The following ROS1 variants were observed in gnomAD, a reference collection of about 807,000 sequenced individuals.
ROS1 encodes ROS proto-oncogene 1, receptor tyrosine kinase.
Under a neutral mutation model 273.5 loss-of-function variants are expected in ROS1, and 263 were observed. The ratio of observed to expected loss-of-function variants is 0.96; its 90% CI spans 0.87 to 1.06. The LOEUF (loss-of-function observed/expected upper bound fraction) is 1.06, where lower values mean the gene tolerates loss of function less well. ROS1 is among the 50% of genes least tolerant of loss of function. The pLI is 0.00. For missense variants in ROS1, 2,833 were observed against 2,751.1 expected (o/e 1.03, Z -0.67); for synonymous variants, 1,008 against 954.1 (o/e 1.06, Z -1.04).
In ROS1 at chr6:117,397,136, CAT is replaced by C; in HGVS notation, c.605-22_605-21del. The C allele has an allele frequency of 6.7e-7, 1 of 1,486,502 alleles. No individual in the cohort carries two copies. The highest frequency in any genetic ancestry group is 9.3e-7 in the Non-Finnish European group (1 of 1,073,488). 92.1% of individuals were successfully genotyped at this position (1,486,502 alleles called of 1,614,324 possible). ...CAGGAACTGGAAGAGATAATGGTGACATAATGAGCAGAAAAATGTGCAAGCAT... is the reference window on the plus strand; with the variant it reads ...CAGGAACTGGAAGAGATAATGGTGACAATGAGCAGAAAAATGTGCAAGCAT... On this transcript the variant is annotated intron_variant, in intron 7 of 43. Coordinates refer to ENST00000368507, the MANE Select transcript of ROS1 (RefSeq NM_001378902.1).
At chr6:117,348,915 C>T (rs1778590716) in intron 27 of ROS1, among the ~76,000 whole-genome samples, 1 of 151,842 alleles carries the variant, frequency 6.6e-6, no homozygotes, top group East Asian at 1.9e-4. Flanking sequence ...TTATTGAGTT[C>T]TAGTTAAATG....
intron 39 of ROS1, among the ~76,000 whole-genome samples, chr6:117,315,328 G>C (rs1286841538): frequency 6.6e-6 from 1 of 151,808 alleles, no homozygotes; most frequent in African/African-American, 2.4e-5. Flanking sequence ...GAGGGAATAA[G>C]GAATTCTATT....
At chr6:117,306,733 A>G (rs986736743) in intron 42 of ROS1, among the ~76,000 whole-genome samples, 8 of 152,184 alleles carry the variant, frequency 5.3e-5, no homozygotes, top group Non-Finnish European at 1.5e-5. Flanking sequence ...CTTCAAATAA[A>G]TATCAGTTCC....
intron 39 of ROS1, among the ~76,000 whole-genome samples, chr6:117,312,359 TA>T (rs1319651178): frequency 1.3e-5 from 2 of 152,128 alleles, no homozygotes; most frequent in African/African-American, 2.4e-5. Context: ...GCTCCCAAAC[TA>T]GGAATAATCC....
chr6:117,387,769 C>T lies in ROS1; in HGVS notation c.1999+11G>A, dbSNP rs1317380724. Reference sequence around the variant, plus strand: ...TGAGAGTCACTCCCTAAATCCAGAACATTTTCTCACCTGGCACCAGGGTAG... The same window carrying T: ...TGAGAGTCACTCCCTAAATCCAGAATATTTTCTCACCTGGCACCAGGGTAG... On this transcript the variant is annotated intron_variant, in intron 14 of 43. Coordinates refer to ENST00000368507, the MANE Select transcript of ROS1 (RefSeq NM_001378902.1). 8 of 1,608,240 alleles carry T rather than the reference C, an allele frequency of 5.0e-6. No homozygotes were observed. Among genetic ancestry groups the T allele is most frequent in the African/African-American group, 1.3e-5 (1 of 74,616 alleles).
At position 117,310,908 on chromosome 6, in the gene ROS1, T is replaced by C. The variant is rs1443041064; in HGVS notation, c.6215+112A>G. 2.0e-5 allele frequency: 12 copies of C among 601,118 alleles called. No homozygotes were observed. The Admixed American group carries it at 3.7e-4, about 18-fold the overall frequency. The allele number at this position is 601,118 out of a possible 1,614,324, so 37.2% of individuals were successfully genotyped here. A position where few individuals can be genotyped will look rare whatever the true frequency, so the allele number is the denominator to read the frequency against. The stretch of plus-strand genomic sequence containing the variant: ...TAAGAGAGACTTTTAATAGAAATTA[T>C]TGCTAGTTTGAAGGAATTAAAATGT... On this transcript the variant is annotated intron_variant, in intron 40 of 43. Transcript: ENST00000368507.
intron 42 of ROS1, among the ~76,000 whole-genome samples, chr6:117,304,653 A>G (rs1582562325): frequency 6.6e-6 from 1 of 152,206 alleles, no homozygotes; most frequent in Non-Finnish European, 1.5e-5. Context: ...CAGCATATCT[A>G]TGCTGTATAT....
chr6:117,321,834 T>TG (rs1200837102), intron 35 of ROS1, among the ~76,000 whole-genome samples: 1 of 149,738 alleles, frequency 6.7e-6, no homozygotes, highest in Non-Finnish European at 1.5e-5. Context: ...TGGCAATTTT[T>TG]TTTTTTTTTT....
At chr6:117,301,405 G>A (rs975387986) in intron 42 of ROS1, 16 of 284,312 alleles carry the variant, frequency 5.6e-5, no homozygotes, top group Admixed American at 1.1e-4. Context: ...GTAGATGGTG[G>A]GAAAATATCT....
intron 24 of ROS1, among the ~76,000 whole-genome samples, chr6:117,358,916 AACAG>A (rs1236990158): frequency 6.6e-6 from 1 of 152,168 alleles, no homozygotes; most frequent in African/African-American, 2.4e-5. Flanking sequence ...TCACACTGCT[AACAG>A]ACAGGCCTTT....
At chr6:117,323,474 G>T (rs535052763) in intron 35 of ROS1, among the ~76,000 whole-genome samples, 1 of 152,060 alleles carries the variant, frequency 6.6e-6, no homozygotes, top group Non-Finnish European at 1.5e-5. Context: ...TTTCTGGTAA[G>T]AATCATGCCC....
chr6:117,394,010 G>C, intron 11 of ROS1, 152 bp downstream of exon 11: 2 of 482,636 alleles, frequency 4.1e-6, no homozygotes, highest in Non-Finnish European at 7.1e-6. Context: ...CTATAGGCCA[G>C]ATCTATGATT....
In ROS1 at chr6:117,309,039, T is replaced by A. The variant is rs1481998705; in HGVS notation, c.6417-111A>T. ...GCTAGCAGGGTCTACTTTGTCAGTG[T>A]ATTATTGGCCTCATAAAAGGCAAAC... On this transcript the variant is annotated intron_variant, in intron 41 of 43. Transcript: ENST00000368507. 2.6e-5 allele frequency: 27 copies of A among 1,039,024 alleles called. No homozygotes were observed. In the Admixed American group the frequency reaches 5.8e-4, roughly 22 times the overall value. The allele number at this position is 1,039,024 out of a possible 1,614,324, so 64.4% of individuals were successfully genotyped here. A position where few individuals can be genotyped will look rare whatever the true frequency, so the allele number is the denominator to read the frequency against.
At chr6:117,330,341 G>A (rs75187972) in intron 32 of ROS1, among the ~76,000 whole-genome samples, 2 of 152,230 alleles carry the variant, frequency 1.3e-5, no homozygotes, top group South Asian at 2.1e-4. Context: ...TGAGCCCCTA[G>A]GGGGAGGGGT....
chr6:117,329,883 G>A (rs1370679892), intron 32 of ROS1, among the ~76,000 whole-genome samples: 3 of 152,190 alleles, frequency 2.0e-5, no homozygotes, highest in Non-Finnish European at 4.4e-5. Context: ...CCGAGGCCTA[G>A]CATCCCAACC....
At chr6:117,411,843 C>T (rs747859881) in intron 4 of ROS1, among the ~76,000 whole-genome samples, 7 of 152,038 alleles carry the variant, frequency 4.6e-5, no homozygotes, top group Non-Finnish European at 7.4e-5. Flanking sequence ...ACAGGACTTC[C>T]CTTAGAAGGA....
intron 3 of ROS1, among the ~76,000 whole-genome samples, chr6:117,414,913 C>T (rs2128742917): frequency 6.6e-6 from 1 of 152,340 alleles, no homozygotes; most frequent in South Asian, 2.1e-4. Context: ...TAGCAAAGGA[C>T]AGCAGATTCC....
intron 11 of ROS1, among the ~76,000 whole-genome samples, chr6:117,393,918 T>A (rs1173022429): frequency 6.6e-6 from 1 of 152,164 alleles, no homozygotes; most frequent in East Asian, 1.9e-4. Context: ...ATTTTTAGTA[T>A]AAACTCATGA....
intron 17 of ROS1, among the ~76,000 whole-genome samples, chr6:117,380,810 T>G (rs944562011): frequency 2.6e-5 from 4 of 152,144 alleles, no homozygotes; most frequent in African/African-American, 4.8e-5. Flanking sequence ...TGTGGTAAAA[T>G]GTACCATATG....
Sources: gnomAD v4.1 joint callset for allele counts (sites outside exome capture counted in the v4.1 genomes callset) on GRCh38, gnomAD v4.1.1 for gene constraint, MANE v1.5 for transcripts, NCBI Gene and HGNC (gene_info 2026-07-23, HGNC 2026-07-21) for gene names.